Variants in GALT observed in about 807,000 individuals in gnomAD.
GALT encodes galactose-1-phosphate uridylyltransferase.
A neutral mutation model predicts 55.4 loss-of-function variants in GALT; 42 were observed. The ratio of observed to expected loss-of-function variants is 0.76; its 90% confidence interval spans 0.59 to 0.98. The LOEUF (loss-of-function observed/expected upper bound fraction) is 0.98. Among genes scored for constraint, GALT ranks in the 50% least tolerant of loss-of-function variants. The probability of loss-of-function intolerance (pLI) is 0.00; values close to 1 mark genes in which losing one functional copy is unlikely to be tolerated. For missense variants in GALT, 407 were observed against 495.7 expected (o/e 0.82, Z 1.70); for synonymous variants, 154 against 181.5 (o/e 0.85, Z 1.22).
rs1821143955 is a variant in GALT, at chr9:34,647,794, C to T, written c.378-38C>T. Reference sequence around the variant, plus strand: ...GGCCCTGCCCGTAGCACAGCCAAGCCCTACCTCTCGGTTATCTTTTCTCCC... The same window carrying T: ...GGCCCTGCCCGTAGCACAGCCAAGCTCTACCTCTCGGTTATCTTTTCTCCC... On this transcript the variant is annotated intron_variant, in intron 4 of 10. Transcript: ENST00000378842. The surrounding 1 kb of genome is among the most constrained non-coding windows in gnomAD (Gnocchi z 5.6). 1.9e-6 allele frequency: 3 copies of T among 1,614,220 alleles called. No individual in the cohort carries two copies. The highest frequency in any genetic ancestry group is 2.5e-6 in the Non-Finnish European group (3 of 1,180,046).
rs1821150966 is a variant in GALT at position 34,647,975 on chromosome 9, C to T, written c.507+14C>T. ...CCTTGGGTGCAGGTTTGTGAGGTCG[C>T]CCCTTCCCCTGGATGGGCAGGGAGG... On this transcript the variant is annotated intron_variant, in intron 5 of 10. Transcript: ENST00000378842. The surrounding 1 kb of genome is among the most constrained non-coding windows in gnomAD (Gnocchi z 5.6). The T allele has an allele frequency of 6.2e-7, 1 of 1,614,172 alleles. No homozygotes were observed. The highest frequency in any genetic ancestry group is 8.5e-7 in the Non-Finnish European group (1 of 1,180,026).
At chr9:34,649,115 A>G (rs767424954) in intron 9 of GALT, 34 bp downstream of exon 9, 106 of 1,592,884 alleles carry the variant, frequency 6.7e-5, no homozygotes, top group Non-Finnish European at 8.6e-5. Context: ...TTTAGCCCCA[A>G]CACCATTTCT....
intron 1 of GALT, 151 bp from the exon 2 acceptor site, chr9:34,646,938 T>C (rs1327333640): frequency 1.2e-5 from 20 of 1,605,358 alleles, no homozygotes; most frequent in African/African-American, 9.4e-5. Context: ...AGCAGGCCAA[T>C]TGGCGCTGGG....
At position 34,648,708 on chromosome 9, in the gene GALT, A is replaced by G; in HGVS notation, c.688-54A>G. The G allele has an allele frequency of 1.2e-6, 2 of 1,608,846 alleles. No homozygotes were observed. The highest frequency in any genetic ancestry group is 2.2e-5 in the South Asian group (2 of 90,998). On this transcript the variant is annotated intron_variant, in intron 7 of 10. Coordinates refer to ENST00000378842, the MANE Select transcript of GALT (RefSeq NM_000155.4). The surrounding 1 kb of genome is among the most constrained non-coding windows in gnomAD (Gnocchi z 4.9). The stretch of plus-strand genomic sequence containing the variant: ...TGCTTCCCTTGCCTATTTGCTGACC[A>G]CACTCCGGCTCCTATGTCACCTTGA...
In GALT at chr9:34,648,129, A is replaced by G; in HGVS notation, c.522A>G (p.Lys174=). The change falls in exon 6 of 11, where the codon AAA becomes AAG. Residue 174 remains lysine, a synonymous_variant. Transcript: ENST00000378842. This position sits in a 1 kb window ranked among gnomAD's most constrained non-coding sequence, Gnocchi z 4.9. ...CTATCTGATAGATCTTTGAAAACAA[A>G]GGTGCCATGATGGGCTGTTCTAACC... is the stretch of plus-strand genomic sequence containing the variant. The part of the protein sequence containing the change: ...QYPWVQIFEN[K]GAMMGCSNPH... The G allele has an allele frequency of 6.2e-7, 1 of 1,614,188 alleles. No homozygotes were observed. The highest frequency in any genetic ancestry group is 8.5e-7 in the Non-Finnish European group (1 of 1,180,036).
intron 10 of GALT, 111 bp downstream of exon 10, chr9:34,649,675 C>T: frequency 7.4e-7 from 1 of 1,348,558 alleles, no homozygotes; most frequent in Non-Finnish European, 1.0e-6. Context: ...CAGAAAACAG[C>T]TCTGGCAGGA....
In GALT at chr9:34,647,613, CTT is replaced by C. The variant is rs1455908776; in HGVS notation, c.329-43_329-42del. ...GCTGGGGAGGAGGGTGGCTAGACCTCTTGAGGGACTTCTGCTGCAGAGAGTGA... is the reference window on the plus strand; with the variant it reads ...GCTGGGGAGGAGGGTGGCTAGACCTCGAGGGACTTCTGCTGCAGAGAGTGA... On this transcript the variant is annotated intron_variant, in intron 3 of 10. Transcript: ENST00000378842. The surrounding 1 kb of genome is among the most constrained non-coding windows in gnomAD (Gnocchi z 5.6). The C allele has an allele frequency of 1.2e-6, 2 of 1,614,122 alleles. No individual in the cohort carries two copies. Among genetic ancestry groups the C allele is most frequent in the Non-Finnish European group, 1.7e-6 (2 of 1,179,994 alleles).
rs2070075 is a variant in GALT at position 34,648,421 on chromosome 9, C to G, written c.652C>G (p.Leu218Val). 6.2e-7 allele frequency: 1 copy of G among 1,614,132 alleles called. No individual in the cohort carries two copies. The highest frequency in any genetic ancestry group is 8.5e-7 in the Non-Finnish European group (1 of 1,180,012). ...TAAGAGTCAGCATGGAGAGCCCCTGCTAATGGAGTACAGCCGCCAGGAGCT... is the reference window on the plus strand; with the variant it reads ...TAAGAGTCAGCATGGAGAGCCCCTGGTAATGGAGTACAGCCGCCAGGAGCT... The part of the protein sequence containing the change: ...AYKSQHGEPL[L>V]MEYSRQELLR... Residue 218 changes from leucine to valine, a missense_variant, in exon 7 of 11, where the codon CTA (leucine) becomes GTA (valine). Physicochemically the swap from Leu to Val is conservative, Grantham distance 32. Transcript: ENST00000378842. The surrounding 1 kb of genome is among the most constrained non-coding windows in gnomAD (Gnocchi z 4.9).
chr9:34,646,906 C>A, intron 1 of GALT, 120 bp downstream of exon 1: 1 of 1,607,932 alleles, frequency 6.2e-7, no homozygotes, highest in East Asian at 2.2e-5. Context: ...ACAAGGCGTA[C>A]AGTCTGCAGG....
chr9:34,648,441 G>T lies in GALT; in HGVS notation c.672G>T (p.Gln224His). The change falls in exon 7 of 11, where the codon CAG (glutamine) becomes CAT (histidine). Residue 224 changes from glutamine to histidine, a missense_variant. Gln to His is a conservative substitution (Grantham distance 24). Transcript: ENST00000378842. The surrounding 1 kb of genome is among the most constrained non-coding windows in gnomAD (Gnocchi z 4.9). ...GEPLLMEYSR[Q>H]ELLRKERLVL... ...CCCTGCTAATGGAGTACAGCCGCCA[G>T]GAGCTACTCAGGAAGGTGGGAGAGA... is the stretch of plus-strand genomic sequence containing the variant. 6.2e-7 allele frequency: 1 copy of T among 1,614,178 alleles called. No homozygotes were observed. The highest frequency in any genetic ancestry group is 8.5e-7 in the Non-Finnish European group (1 of 1,180,022).
In GALT at chr9:34,646,754, C is replaced by T. The variant is rs749374402; in HGVS notation, c.50C>T (p.Ala17Val). 3 of 1,613,590 alleles carry T rather than the reference C, an allele frequency of 1.9e-6. No homozygotes were observed. The highest frequency in any genetic ancestry group is 1.7e-6 in the Non-Finnish European group (2 of 1,179,980). Residue 17 changes from alanine to valine, a missense_variant, in exon 1 of 11, where the codon GCG becomes GTG. Coordinates refer to ENST00000378842, the MANE Select transcript of GALT (RefSeq NM_000155.4). ...CAGCAACGCCAGCAGGCGTCAGAGG[C>T]GGACGCCGCAGCAGCAACCTTCCGG... is the stretch of plus-strand genomic sequence containing the variant. ...DPQQRQQASEADAAAATFRAN... is the reference protein window; with the variant it reads ...DPQQRQQASEVDAAAATFRAN...
chr9:34,647,998 A>T lies in GALT; in HGVS notation c.507+37A>T, dbSNP rs750827434. The T allele has an allele frequency of 3.1e-5, 50 of 1,613,942 alleles. No individual in the cohort carries two copies. The highest frequency in any genetic ancestry group is 5.1e-6 in the Non-Finnish European group (6 of 1,179,988). On this transcript the variant is annotated intron_variant, in intron 5 of 10. Transcript: ENST00000378842. The surrounding 1 kb of genome is among the most constrained non-coding windows in gnomAD (Gnocchi z 5.6). ...CGCCCCTTCCCCTGGATGGGCAGGG[A>T]GGGGGTGATGAAGCTTTGGTTCTGG...
chr9:34,649,148 T>C (rs1416743347), intron 9 of GALT, 67 bp downstream of exon 9: 1 of 1,486,440 alleles, frequency 6.7e-7, no homozygotes, highest in Non-Finnish European at 9.4e-7. Flanking sequence ...CTCAGCCTAG[T>C]GAACTGCAAC....
At chr9:34,649,275 TC>T (rs1821193234) in intron 9 of GALT, 134 bp from the exon 10 acceptor site, 19 of 1,322,110 alleles carry the variant, frequency 1.4e-5, no homozygotes, top group Non-Finnish European at 2.1e-5. Flanking sequence ...CTTTCTAATC[TC>T]CTGCCAGCTC....
Position 34,649,519 on chromosome 9 carries a change from C to G in GALT, c.1014C>G (p.Gly338=), listed in dbSNP as rs111033811. 9 of 1,614,198 alleles carry G rather than the reference C, an allele frequency of 5.6e-6. No individual in the cohort carries two copies. Among genetic ancestry groups the G allele is most frequent in the African/African-American group, 1.3e-5 (1 of 75,050 alleles). Residue 338 remains glycine (G), a synonymous_variant, in exon 10 of 11, where the codon GGC becomes GGG. Transcript: ENST00000378842. ...RSATVRKFMV[G]YEMLAQAQRD... ...CCACTGTCCGGAAATTCATGGTTGGCTACGAAATGCTTGCTCAGGCTCAGA... is the reference window on the plus strand; with the variant it reads ...CCACTGTCCGGAAATTCATGGTTGGGTACGAAATGCTTGCTCAGGCTCAGA...
At chr9:34,650,116 C>A in intron 10 of GALT, 1 of 481,506 alleles carries the variant, frequency 2.1e-6, no homozygotes, top group Non-Finnish European at 3.8e-6. Context: ...CTCGTCTCTA[C>A]AAAAAAAATT....
intron 10 of GALT, chr9:34,649,789 G>A (rs946011114): frequency 4.5e-5 from 25 of 554,530 alleles, no homozygotes; most frequent in Non-Finnish European, 8.1e-5. Flanking sequence ...TCATGACCCT[G>A]ATAGTTTCCC....
chr9:34,647,395 C>T lies in GALT; in HGVS notation c.253-97C>T, dbSNP rs1164493705. ...AAGCTTTTTGGTCCCCTAGGGTGGG[C>T]CTTCCCTACTCCCTTGTAGCCTGTC... On this transcript the variant is annotated intron_variant, in intron 2 of 10. Transcript: ENST00000378842. This position sits in a 1 kb window ranked among gnomAD's most constrained non-coding sequence, Gnocchi z 5.6. 26 of 1,567,872 alleles carry T rather than the reference C, an allele frequency of 1.7e-5. No individual in the cohort carries two copies. The highest frequency in any genetic ancestry group is 2.3e-5 in the Non-Finnish European group (26 of 1,138,218).
chr9:34,646,868 G>T, intron 1 of GALT, 82 bp downstream of exon 1: 2 of 1,609,376 alleles, frequency 1.2e-6, no homozygotes, highest in South Asian at 1.1e-5. Flanking sequence ...CCCTCCGAAG[G>T]TTGGAACGCT....
Sources: gnomAD v4.1 joint callset for allele counts on GRCh38, gnomAD v4.1.1 for gene constraint, Gnocchi (gnomAD v3.1) non-coding constraint, MANE v1.5 for transcripts, NCBI Gene and HGNC (gene_info 2026-07-23, HGNC 2026-07-21) for gene names.